Variants in XPO4 observed in about 807,000 individuals in gnomAD.
XPO4 encodes exportin-4.
A neutral mutation model predicts 143.0 loss-of-function variants in XPO4; 39 were observed. The ratio of observed to expected loss-of-function variants is 0.27; its 90% CI spans 0.21 to 0.36. The LOEUF is 0.36. Among genes scored for constraint, XPO4 ranks in the 10% least tolerant of loss-of-function variants. XPO4 has a pLI of 1.00. For synonymous variants in XPO4, 439 were observed against 474.0 expected, an observed-to-expected ratio of 0.93 and a Z score of 0.96; for missense variants, 907 against 1,348.0, an observed-to-expected ratio of 0.67 and a Z score of 5.12.
intron 13 of XPO4, 135 bp from the exon 14 acceptor site, chr13:20,801,125 T>A: frequency 1.0e-6 from 1 of 957,460 alleles, no homozygotes; most frequent in Non-Finnish European, 1.5e-6. Context: ...ACATTTCATC[T>A]ACAGAGTTTT....
chr13:20,810,215 T>C (rs2059561750), intron 9 of XPO4, among the ~76,000 whole-genome samples: 1 of 152,098 alleles, frequency 6.6e-6, no homozygotes, highest in Admixed American at 6.6e-5. Flanking sequence ...CAAATAAAAA[T>C]AATATTAACA....
At chr13:20,896,405 T>A (rs1026011190) in intron 1 of XPO4, among the ~76,000 whole-genome samples, 1 of 152,220 alleles carries the variant, frequency 6.6e-6, no homozygotes, top group African/African-American at 2.4e-5. Context: ...TCAGCTCTTT[T>A]ATATTCTGCA....
chr13:20,790,428 T>C (rs528355292), intron 19 of XPO4, 34 bp downstream of exon 19: 16 of 1,486,182 alleles, frequency 1.1e-5, no homozygotes, highest in Admixed American at 5.0e-5. Flanking sequence ...CAGTTACACA[T>C]AGTGGTATGT....
chr13:20,808,545 C>T lies in XPO4; in HGVS notation c.1530G>A (p.Gln510=). Residue 510 remains glutamine, a synonymous_variant, in exon 12 of 23, where the codon CAG becomes CAA. Transcript: ENST00000255305. The part of the protein sequence containing the change: ...LEERVTRLHG[Q]LQRHQQQLLA... ...GTAACTGTTGCTGATGTCGTTGTAACTGACCATGGAGTCTTGTTACTCTTT... is the reference window on the plus strand; with the variant it reads ...GTAACTGTTGCTGATGTCGTTGTAATTGACCATGGAGTCTTGTTACTCTTT... 1 of 1,561,208 alleles carries T rather than the reference C, an allele frequency of 6.4e-7. No individual in the cohort carries two copies. The highest frequency in any genetic ancestry group is 8.8e-7 in the Non-Finnish European group (1 of 1,142,552).
chr13:20,798,190 G>A (rs1328958646), intron 16 of XPO4, among the ~76,000 whole-genome samples: 1 of 152,184 alleles, frequency 6.6e-6, no homozygotes, highest in East Asian at 1.9e-4. Flanking sequence ...GTTCAGATGA[G>A]GTCATACCGG....
At chr13:20,856,060 T>G (rs949102255) in intron 3 of XPO4, among the ~76,000 whole-genome samples, 1 of 152,208 alleles carries the variant, frequency 6.6e-6, no homozygotes, top group African/African-American at 2.4e-5. Flanking sequence ...TTCCTAGAAC[T>G]GTGCCCAGTA....
intron 6 of XPO4, among the ~76,000 whole-genome samples, chr13:20,835,036 C>T (rs1371749570): frequency 6.6e-6 from 1 of 152,126 alleles, no homozygotes; most frequent in East Asian, 1.9e-4. Flanking sequence ...ACAAGGTCTT[C>T]CTCTGTTGCC....
chr13:20,812,680 A>G (rs2059597406), intron 9 of XPO4, among the ~76,000 whole-genome samples: 1 of 152,200 alleles, frequency 6.6e-6, no homozygotes, highest in South Asian at 2.1e-4. Flanking sequence ...AATCCAATAA[A>G]GCCTTTAGTT....
At chr13:20,816,690 G>T (rs2059654977) in intron 9 of XPO4, among the ~76,000 whole-genome samples, 1 of 152,158 alleles carries the variant, frequency 6.6e-6, no homozygotes, top group Non-Finnish European at 1.5e-5. Context: ...CTTAACACTG[G>T]TTCTGCACTA....
At chr13:20,850,291 G>T (rs2060070952) in intron 4 of XPO4, 1 of 975,970 alleles carries the variant, frequency 1.0e-6, no homozygotes, top group East Asian at 1.1e-4. Context: ...GAATAGAAGT[G>T]AATATTATCA....
chr13:20,864,709 G>A (rs185410038), intron 2 of XPO4, among the ~76,000 whole-genome samples: 188 of 152,218 alleles, frequency 1.2e-3, no homozygotes, highest in Admixed American at 2.5e-3. Flanking sequence ...GCCCTTTGGA[G>A]GTGGGTGGGT....
chr13:20,808,539 T>C lies in XPO4; in HGVS notation c.1536A>G (p.Gln512=), dbSNP rs751428705. ...ERVTRLHGQL[Q]RHQQQLLASP... is the part of the protein sequence containing the mutation. ...AAGCAAGTAACTGTTGCTGATGTCG[T>C]TGTAACTGACCATGGAGTCTTGTTA... The change falls in exon 12 of 23, where the codon CAA becomes CAG. Residue 512 remains glutamine (Q), a synonymous_variant. Transcript: ENST00000255305. The C allele has an allele frequency of 3.2e-6, 5 of 1,565,048 alleles. No homozygotes were observed. Among genetic ancestry groups the C allele is most frequent in the Non-Finnish European group, 4.4e-6 (5 of 1,145,094 alleles).
chr13:20,876,551 A>G (rs1595154305), intron 1 of XPO4, among the ~76,000 whole-genome samples: 1 of 152,336 alleles, frequency 6.6e-6, no homozygotes, highest in East Asian at 1.9e-4. Flanking sequence ...GGTGAACTTA[A>G]GATTTAAAAA....
In XPO4 at chr13:20,793,890, A is replaced by G. The variant is rs548617452; in HGVS notation, c.2797+2186T>C. The stretch of plus-strand genomic sequence containing the variant: ...AGTCGTACAGAAATTATGTTACTCA[A>G]AGAAAAACTCAGGAAGGCTGTGCTG... On this transcript the variant is annotated intron_variant, in intron 18 of 22. Coordinates refer to ENST00000255305, the MANE Select transcript of XPO4 (RefSeq NM_022459.5). Among the ~76,000 whole-genome samples, 10 of 152,304 alleles carry G rather than the reference A, an allele frequency of 6.6e-5. No homozygotes were observed. The South Asian group carries it at 1.5e-3, about 22-fold the overall frequency.
intron 1 of XPO4, among the ~76,000 whole-genome samples, chr13:20,894,211 C>G (rs2060546091): frequency 6.6e-6 from 1 of 152,144 alleles, no homozygotes; most frequent in Non-Finnish European, 1.5e-5. Context: ...AAACCCTTCT[C>G]TAAAATATTG....
intron 4 of XPO4, chr13:20,848,436 T>C: frequency 1.0e-6 from 1 of 985,366 alleles, no homozygotes; most frequent in Non-Finnish European, 1.2e-6. Flanking sequence ...CCATACCTAA[T>C]TTGCATAATT....
intron 6 of XPO4, among the ~76,000 whole-genome samples, chr13:20,842,131 G>A (rs796612891): frequency 6.6e-6 from 1 of 152,090 alleles, no homozygotes; most frequent in South Asian, 2.1e-4. Flanking sequence ...ATTTGGAAAA[G>A]CTGAGACTCA....
At chr13:20,874,998 A>AC (rs1327774969) in intron 1 of XPO4, among the ~76,000 whole-genome samples, 1 of 151,980 alleles carries the variant, frequency 6.6e-6, no homozygotes, top group Non-Finnish European at 1.5e-5. Context: ...CGTCTCAAAA[A>AC]AAAAATTCTG....
At chr13:20,894,421 T>C (rs2060548523) in intron 1 of XPO4, among the ~76,000 whole-genome samples, 1 of 152,212 alleles carries the variant, frequency 6.6e-6, no homozygotes, top group Non-Finnish European at 1.5e-5. Flanking sequence ...TGCCCTGCAT[T>C]TGCATTTATA....
Sources: allele counts gnomAD v4.1 joint callset (sites outside exome capture counted in the v4.1 genomes callset), GRCh38; gene constraint gnomAD v4.1.1; transcripts MANE v1.5; gene names NCBI Gene and HGNC (gene_info 2026-07-23, HGNC 2026-07-21).